Variants in CNTNAP2 observed in about 807,000 individuals in gnomAD.
The protein encoded by CNTNAP2 is contactin-associated protein-like 2.
In CNTNAP2, 98 loss-of-function variants were observed where a neutral mutation model predicts 155.2. The ratio of observed to expected loss-of-function variants is 0.63; its 90% CI spans 0.54 to 0.75. CNTNAP2 has a LOEUF of 0.75. Among genes scored for constraint, CNTNAP2 ranks in the 30% least tolerant of loss-of-function variants. The pLI, the probability that CNTNAP2 is intolerant of heterozygous loss-of-function variation, is 0.00. For synonymous variants in CNTNAP2, 651 were observed against 631.2 expected, an observed-to-expected ratio of 1.03 and a Z score of -0.47; for missense variants, 1,727 against 1,688.1, an observed-to-expected ratio of 1.02 and a Z score of -0.40.
intron 10 of CNTNAP2, among the ~76,000 whole-genome samples, chr7:147,425,187 A>T (rs970946564): frequency 1.4e-5 from 2 of 146,010 alleles, no homozygotes; most frequent in African/African-American, 5.2e-5. Context: ...AGAATAATGC[A>T]TGTTCAATAG....
rs918385225 is a variant in CNTNAP2 at position 146,595,822 on chromosome 7, G to T, written c.98-178449G>T. Among the ~76,000 whole-genome samples, 3 of 152,100 alleles carry T rather than the reference G, an allele frequency of 2.0e-5. No individual in the cohort carries two copies. In the South Asian group the frequency reaches 6.2e-4, roughly 32 times the overall value. On this transcript the variant is annotated intron_variant, in intron 1 of 23. Transcript: ENST00000361727. ...AGTTGTTTCTGGACAGCTAGGGCTC[G>T]AACCTGGTTTTCAACAGCTATTCCT... is the stretch of plus-strand genomic sequence containing the variant.
At chr7:147,522,925 A>T (rs1366685468) in intron 11 of CNTNAP2, among the ~76,000 whole-genome samples, 1 of 152,226 alleles carries the variant, frequency 6.6e-6, no homozygotes, top group East Asian at 1.9e-4. Flanking sequence ...TTGTAAACCA[A>T]CACAATCAAA....
chr7:148,284,191 A>C (rs1343345963), intron 21 of CNTNAP2, among the ~76,000 whole-genome samples: 4 of 152,172 alleles, frequency 2.6e-5, no homozygotes, highest in African/African-American at 7.2e-5. Context: ...TCCCCACCCA[A>C]ATCTCATCTT....
At chr7:147,169,172 T>C (rs1802178570) in intron 8 of CNTNAP2, among the ~76,000 whole-genome samples, 3 of 152,198 alleles carry the variant, frequency 2.0e-5, no homozygotes, top group Non-Finnish European at 4.4e-5. Context: ...AATGAAAGCA[T>C]CTTGGCTTAA....
intron 4 of CNTNAP2, among the ~76,000 whole-genome samples, chr7:147,071,034 C>T (rs958634944): frequency 3.3e-5 from 5 of 152,012 alleles, no homozygotes; most frequent in Admixed American, 6.6e-5. Context: ...TTATGTATCC[C>T]TCTGTGTCTT....
chr7:147,086,171 C>T (rs77587694), intron 4 of CNTNAP2, among the ~76,000 whole-genome samples: 4,922 of 151,858 alleles, frequency 0.032, 126 homozygotes, highest in Non-Finnish European at 0.052. Context: ...TTAATGTGAA[C>T]GTAGTGAAAA....
At chr7:147,941,316 C>T (rs969015720) in intron 14 of CNTNAP2, among the ~76,000 whole-genome samples, 2 of 152,038 alleles carry the variant, frequency 1.3e-5, no homozygotes, top group African/African-American at 4.8e-5. Flanking sequence ...AAATGGCAGC[C>T]GAGGGTGGGG....
chr7:146,937,029 T>C (rs965997576), intron 3 of CNTNAP2, among the ~76,000 whole-genome samples: 1 of 152,222 alleles, frequency 6.6e-6, no homozygotes, highest in Non-Finnish European at 1.5e-5. Context: ...AAAAGCTTCA[T>C]TTAATTTATT....
intron 4 of CNTNAP2, among the ~76,000 whole-genome samples, chr7:147,067,334 G>A (rs947835993): frequency 1.4e-5 from 2 of 148,142 alleles, no homozygotes; most frequent in Admixed American, 6.7e-5. Flanking sequence ...CATTCATAAG[G>A]CCTCCACCCT....
chr7:146,431,784 A>G (rs1030700617), intron 1 of CNTNAP2, among the ~76,000 whole-genome samples: 2 of 152,110 alleles, frequency 1.3e-5, no homozygotes, highest in East Asian at 3.9e-4. Context: ...GCCAGAATTC[A>G]AACTCAGACA....
intron 1 of CNTNAP2, among the ~76,000 whole-genome samples, chr7:146,635,596 G>A (rs899160440): frequency 1.3e-5 from 2 of 152,190 alleles, no homozygotes; most frequent in African/African-American, 4.8e-5. Context: ...AATACTGGGT[G>A]TATTACAAGG....
At chr7:147,284,758 A>G (rs1805139200) in intron 8 of CNTNAP2, among the ~76,000 whole-genome samples, 1 of 151,892 alleles carries the variant, frequency 6.6e-6, no homozygotes, top group South Asian at 2.1e-4. Flanking sequence ...AAAACTACCA[A>G]AAGGGCAGTT....
intron 10 of CNTNAP2, among the ~76,000 whole-genome samples, chr7:147,441,150 C>G (rs1554484910): frequency 6.6e-6 from 1 of 151,896 alleles, no homozygotes; most frequent in Non-Finnish European, 1.5e-5. Context: ...ATGCTTTATT[C>G]TTTTTGTTTT....
intron 1 of CNTNAP2, among the ~76,000 whole-genome samples, chr7:146,303,644 T>A (rs1800654567): frequency 6.6e-6 from 1 of 152,170 alleles, no homozygotes; most frequent in Non-Finnish European, 1.5e-5. Flanking sequence ...CAGTTTGTTA[T>A]AATTTCTGTT....
chr7:147,588,867 C>T (rs1800685095), intron 12 of CNTNAP2, among the ~76,000 whole-genome samples: 1 of 152,132 alleles, frequency 6.6e-6, no homozygotes, highest in South Asian at 2.1e-4. Context: ...TGGTTCATTG[C>T]CTTACCTTAA....
chr7:146,155,153 T>C (rs917373257), intron 1 of CNTNAP2, among the ~76,000 whole-genome samples: 6 of 152,214 alleles, frequency 3.9e-5, no homozygotes, highest in African/African-American at 1.2e-4. Context: ...AGCTCCTATG[T>C]GGTCAGACTG....
chr7:146,166,952 C>T (rs370585411), intron 1 of CNTNAP2, among the ~76,000 whole-genome samples: 2 of 152,104 alleles, frequency 1.3e-5, no homozygotes, highest in South Asian at 2.1e-4. Flanking sequence ...ATGTGAGTAA[C>T]GTGAAAGACA....
chr7:148,067,339 G>A (rs1803286357), intron 15 of CNTNAP2, among the ~76,000 whole-genome samples: 1 of 152,192 alleles, frequency 6.6e-6, no homozygotes, highest in Non-Finnish European at 1.5e-5. Flanking sequence ...GGGGCTCACT[G>A]AGAGCTGGAC....
chr7:146,960,716 T>G (rs1797540309), intron 3 of CNTNAP2, among the ~76,000 whole-genome samples: 1 of 152,216 alleles, frequency 6.6e-6, no homozygotes. Flanking sequence ...AAACTTGCTA[T>G]GATGTTTCAA....
Sources: allele counts gnomAD v4.1 joint callset (sites outside exome capture counted in the v4.1 genomes callset), GRCh38; gene constraint gnomAD v4.1.1; transcripts MANE v1.5; gene names NCBI Gene and HGNC (gene_info 2026-07-23, HGNC 2026-07-21).